GSK3B: variants seen among roughly 807,000 people sequenced by gnomAD.
The protein encoded by GSK3B is glycogen synthase kinase-3 beta.
A neutral mutation model predicts 56.4 loss-of-function variants in GSK3B; 15 were observed. The observed-to-expected ratio is 0.27, with a 90% CI of 0.18 to 0.41. The LOEUF (loss-of-function observed/expected upper bound fraction) is 0.41. Ranked by LOEUF, GSK3B falls within the 10% of genes least tolerant of loss-of-function variation. The pLI is 1.00. For synonymous variants in GSK3B, 181 were observed against 188.9 expected (o/e 0.96, Z 0.34); for missense variants, 300 against 513.4 (o/e 0.58, Z 4.02).
rs202129041 is a variant in GSK3B, at chr3:120,093,479, C to T, written c.-45G>A. 72 of 1,275,366 alleles carry T rather than the reference C, an allele frequency of 5.6e-5. No homozygotes were observed. Among genetic ancestry groups the T allele is most frequent in the Non-Finnish European group, 7.7e-5 (67 of 872,330 alleles). The allele number at this position is 1,275,366 out of a possible 1,614,324, so 79.0% of individuals were successfully genotyped here. On this transcript the variant is annotated 5_prime_UTR_variant, in exon 1 of 11. Transcript: ENST00000264235. ...CACCTTTTCCTTCCTTCCTCCTTTT[C>T]TTCCTTTTGTCTTTATGTTGGGGTG...
intron 10 of GSK3B, chr3:119,832,947 TTTTTG>T (rs1234733902): frequency 2.0e-6 from 2 of 977,818 alleles, no homozygotes; most frequent in Non-Finnish European, 2.4e-6. Context: ...TCTACAGCAT[TTTTTG>T]TTTTGTTTGT....
chr3:119,853,708 T>G (rs1338756001), intron 9 of GSK3B, among the ~76,000 whole-genome samples: 1 of 152,208 alleles, frequency 6.6e-6, no homozygotes, highest in Non-Finnish European at 1.5e-5. Context: ...TCACTCATCA[T>G]TTGGCTCTCT....
chr3:119,844,398 GT>G (rs932562251), intron 9 of GSK3B, among the ~76,000 whole-genome samples: 1 of 151,986 alleles, frequency 6.6e-6, no homozygotes, highest in African/African-American at 2.4e-5. Context: ...CCAGGAGCTG[GT>G]TTTTTGAAAA....
intron 3 of GSK3B, among the ~76,000 whole-genome samples, chr3:119,942,772 T>TA (rs2057062739): frequency 6.6e-6 from 1 of 152,072 alleles, no homozygotes; most frequent in Admixed American, 6.5e-5. Flanking sequence ...TGCCAAATAT[T>TA]AAAAAAAGAG....
chr3:120,061,055 C>T (rs1385807335), intron 1 of GSK3B, among the ~76,000 whole-genome samples: 1 of 152,174 alleles, frequency 6.6e-6, no homozygotes, highest in African/African-American at 2.4e-5. Flanking sequence ...CAAAAAAACA[C>T]CATCAAATTG....
intron 1 of GSK3B, among the ~76,000 whole-genome samples, chr3:120,017,287 A>T (rs943334205): frequency 6.6e-6 from 1 of 152,222 alleles, no homozygotes; most frequent in Admixed American, 6.5e-5. Flanking sequence ...TTCTAGAAAC[A>T]TCAACCTTGA....
intron 7 of GSK3B, among the ~76,000 whole-genome samples, chr3:119,901,392 C>T (rs1278190544): frequency 6.6e-6 from 1 of 152,146 alleles, no homozygotes; most frequent in African/African-American, 2.4e-5. Flanking sequence ...AAGTTAAATA[C>T]TTGTGTTTTT....
At chr3:119,941,470 G>A (rs1300028721) in intron 3 of GSK3B, among the ~76,000 whole-genome samples, 1 of 152,138 alleles carries the variant, frequency 6.6e-6, no homozygotes, top group African/African-American at 2.4e-5. Context: ...CAGACTACTT[G>A]GAGCTGACGC....
chr3:119,858,825 T>C (rs557082787), intron 9 of GSK3B, among the ~76,000 whole-genome samples: 1 of 152,260 alleles, frequency 6.6e-6, no homozygotes, highest in African/African-American at 2.4e-5. Context: ...TGTAGGGTTA[T>C]TAAATGGCCT....
At chr3:119,905,307 C>T (rs1240887176) in intron 7 of GSK3B, among the ~76,000 whole-genome samples, 1 of 151,890 alleles carries the variant, frequency 6.6e-6, no homozygotes, top group Non-Finnish European at 1.5e-5. Flanking sequence ...GACAGGTAGG[C>T]ATTCATTCTT....
At chr3:119,886,062 T>A (rs76150562) in intron 7 of GSK3B, among the ~76,000 whole-genome samples, 3,939 of 151,528 alleles carry the variant, frequency 0.026, 174 homozygotes, top group African/African-American at 0.089. Flanking sequence ...AATTAAAGAG[T>A]TTCTGCATAG....
At chr3:119,874,606 T>G (rs1362431882) in intron 8 of GSK3B, among the ~76,000 whole-genome samples, 1 of 151,896 alleles carries the variant, frequency 6.6e-6, no homozygotes, top group African/African-American at 2.4e-5. Context: ...CAGCTTTATA[T>G]TTGTCAGAAA....
chr3:119,955,041 T>G (rs1323258837), intron 2 of GSK3B, among the ~76,000 whole-genome samples: 1 of 152,088 alleles, frequency 6.6e-6, no homozygotes, highest in Non-Finnish European at 1.5e-5. Flanking sequence ...TCATAAAATC[T>G]AGTAAAATAG....
rs533149922 is a variant in GSK3B, at chr3:119,946,548, C to T, written c.366+720G>A. Among the ~76,000 whole-genome samples the T allele has an allele frequency of 2.6e-5, 4 of 152,184 alleles. No individual in the cohort carries two copies. In the East Asian group the frequency reaches 5.8e-4, roughly 22 times the overall value. On this transcript the variant is annotated intron_variant, in intron 3 of 10. Transcript: ENST00000264235. ...ATCAAGTGATTTGTTACCTGCCCTG[C>T]GTATGCACTCCAAACCAGTGAAAAG...
intron 1 of GSK3B, among the ~76,000 whole-genome samples, chr3:120,063,444 T>A (rs113567496): frequency 0.012 from 1,845 of 152,280 alleles, 33 homozygotes; most frequent in African/African-American, 0.042. Flanking sequence ...AAATCAGTGC[T>A]GGCCGGGTGC....
chr3:119,932,250 T>C (rs1305833954), intron 3 of GSK3B, among the ~76,000 whole-genome samples: 2 of 152,226 alleles, frequency 1.3e-5, no homozygotes, highest in Non-Finnish European at 2.9e-5. Context: ...CTCATCAGAA[T>C]TGGACTGGGC....
intron 2 of GSK3B, among the ~76,000 whole-genome samples, chr3:119,975,096 A>C (rs1396996482): frequency 6.6e-6 from 1 of 152,220 alleles, no homozygotes; most frequent in African/African-American, 2.4e-5. Flanking sequence ...GCAACAGGTA[A>C]ATGGATGAAC....
intron 1 of GSK3B, among the ~76,000 whole-genome samples, chr3:120,074,897 G>A (rs981092646): frequency 1.3e-5 from 2 of 152,104 alleles, no homozygotes; most frequent in African/African-American, 4.8e-5. Flanking sequence ...CATTTGATAA[G>A]GCCAGCATCA....
chr3:120,051,063 A>T (rs2058144578), intron 1 of GSK3B, among the ~76,000 whole-genome samples: 1 of 151,946 alleles, frequency 6.6e-6, no homozygotes, highest in African/African-American at 2.4e-5. Context: ...TTTGAGAAGA[A>T]ATCAGTGGGC....
Sources: gnomAD v4.1 joint callset for allele counts (sites outside exome capture counted in the v4.1 genomes callset) on GRCh38, gnomAD v4.1.1 for gene constraint, MANE v1.5 for transcripts, NCBI Gene and HGNC (gene_info 2026-07-23, HGNC 2026-07-21) for gene names.